The following GPHN variants were observed in gnomAD, a reference collection of about 807,000 sequenced individuals.
GPHN encodes the protein gephyrin.
In GPHN, 17 loss-of-function variants were observed where a neutral mutation model predicts 95.5. The observed-to-expected ratio is 0.18, with a 90% CI of 0.12 to 0.27. The LOEUF (loss-of-function observed/expected upper bound fraction) is 0.27. Ranked by LOEUF, GPHN falls within the 10% of genes least tolerant of loss-of-function variation. The probability of loss-of-function intolerance (pLI) is 1.00; values close to 1 mark genes in which losing one functional copy is unlikely to be tolerated. For synonymous variants in GPHN, 320 were observed against 322.5 expected, an observed-to-expected ratio of 0.99 and a Z score of 0.08; for missense variants, 660 against 978.1, an observed-to-expected ratio of 0.67 and a Z score of 4.34.
chr14:67,700,956 G>A, the GPHN span, among the ~76,000 whole-genome samples: 10 of 149,048 alleles, frequency 6.7e-5, no homozygotes, highest in South Asian at 2.1e-4. Context: ...CCTGGGAGGC[G>A]GAGGTTGCAG....
At chr14:67,669,636 C>T in the GPHN span, among the ~76,000 whole-genome samples, 1 of 152,134 alleles carries the variant, frequency 6.6e-6, no homozygotes, top group African/African-American at 2.4e-5. Context: ...GATCTCTGTT[C>T]TACAGGTACC....
the GPHN span, among the ~76,000 whole-genome samples, chr14:67,484,158 T>C: frequency 5.4e-3 from 829 of 152,336 alleles, 6 homozygotes; most frequent in Non-Finnish European, 8.5e-3. Flanking sequence ...GCACTTTCAC[T>C]TTCTGATATG....
the GPHN span, among the ~76,000 whole-genome samples, chr14:67,655,015 C>CA: frequency 9.9e-6 from 1 of 101,346 alleles, no homozygotes; most frequent in Admixed American, 1.6e-4. Flanking sequence ...GGCGACAGAG[C>CA]AAGACTCCAT....
At chr14:67,169,119 A>T (rs756812172) in intron 21 of GPHN, 83 bp downstream of exon 21, 2 of 841,178 alleles carry the variant, frequency 2.4e-6, no homozygotes, top group South Asian at 2.7e-5. Flanking sequence ...CAAAATAAAC[A>T]TCTAGAGTTT....
intron 6 of GPHN, among the ~76,000 whole-genome samples, chr14:66,916,934 TC>T (rs2065942514): frequency 6.6e-6 from 1 of 152,216 alleles, no homozygotes; most frequent in Non-Finnish European, 1.5e-5. Context: ...AGCAGTAGTA[TC>T]AGTGTGAATA....
At chr14:67,562,204 C>G in the GPHN span, 1 of 1,611,468 alleles carries the variant, frequency 6.2e-7, no homozygotes, top group Non-Finnish European at 8.5e-7. Flanking sequence ...AGGATTCTGT[C>G]CCTTCAGAGC....
chr14:67,385,150 C>G, the GPHN span: 3 of 151,982 alleles, frequency 2.0e-5, no homozygotes, highest in Admixed American at 1.3e-4. Context: ...ACTGATACCA[C>G]GAGGAAAAGA....
the GPHN span, among the ~76,000 whole-genome samples, chr14:67,503,962 A>G: frequency 2.0e-5 from 3 of 151,634 alleles, no homozygotes; most frequent in Admixed American, 2.0e-4. Context: ...TCAGCTTCCC[A>G]AAGTGCTGGG....
At chr14:67,669,921 A>G in the GPHN span, among the ~76,000 whole-genome samples, 1 of 152,158 alleles carries the variant, frequency 6.6e-6, no homozygotes, top group Non-Finnish European at 1.5e-5. Flanking sequence ...ATAACATGGG[A>G]GACCCTTACT....
intron 8 of GPHN, among the ~76,000 whole-genome samples, chr14:66,946,366 G>A (rs909516946): frequency 2.0e-5 from 3 of 152,100 alleles, no homozygotes; most frequent in Non-Finnish European, 4.4e-5. Flanking sequence ...AGCCAAGAAA[G>A]CCATCAAAAT....
chr14:66,794,362 C>T (rs2060084484), intron 3 of GPHN, among the ~76,000 whole-genome samples: 1 of 152,162 alleles, frequency 6.6e-6, no homozygotes, highest in Admixed American at 6.5e-5. Flanking sequence ...TGTAAGTTTC[C>T]TGAGGCCTCC....
At chr14:67,021,022 ATCATT>A (rs2073596807) in intron 9 of GPHN, among the ~76,000 whole-genome samples, 1 of 152,158 alleles carries the variant, frequency 6.6e-6, no homozygotes, top group Admixed American at 6.6e-5. Flanking sequence ...TCTCAAGTGT[ATCATT>A]TCAAGTGTAT....
At chr14:67,397,525 CGGAGCCA>C in the GPHN span, 1 of 677,102 alleles carries the variant, frequency 1.5e-6, no homozygotes, top group Admixed American at 3.2e-5. Flanking sequence ...TGGTATGTGG[CGGAGCCA>C]GGATTTGAAT....
At chr14:67,383,098 T>A in the GPHN span, among the ~76,000 whole-genome samples, 1 of 152,198 alleles carries the variant, frequency 6.6e-6, no homozygotes. Flanking sequence ...AATTTTCCAT[T>A]TTAATACATA....
At chr14:67,553,662 C>A in the GPHN span, among the ~76,000 whole-genome samples, 4 of 152,332 alleles carry the variant, frequency 2.6e-5, no homozygotes, top group East Asian at 7.7e-4. Flanking sequence ...CAACCCCCCA[C>A]CACCAAGGAG....
chr14:66,715,214 A>G (rs2070055137), intron 2 of GPHN, among the ~76,000 whole-genome samples: 1 of 152,040 alleles, frequency 6.6e-6, no homozygotes, highest in Non-Finnish European at 1.5e-5. Flanking sequence ...GGAGGGTTGT[A>G]TCTTTCCAGG....
chr14:67,443,180 C>T, the GPHN span, among the ~76,000 whole-genome samples: 2 of 152,018 alleles, frequency 1.3e-5, no homozygotes, highest in Non-Finnish European at 2.9e-5. Flanking sequence ...ATGACTGCGC[C>T]ACTGCACTCC....
chr14:67,616,698 T>TTA, the GPHN span: 1 of 150,900 alleles, frequency 6.6e-6, no homozygotes, highest in African/African-American at 2.5e-5. Flanking sequence ...TTTTTTTTTT[T>TTA]AAATATTTGC....
chr14:67,681,520 T>C, the GPHN span, among the ~76,000 whole-genome samples: 125,343 of 152,194 alleles, frequency 0.82, 52,048 homozygotes, highest in Non-Finnish European at 0.88. Flanking sequence ...TGGTGGCTCA[T>C]GCCTATAATC....
Sources: gnomAD v4.1 joint callset for allele counts (sites outside exome capture counted in the v4.1 genomes callset) on GRCh38, gnomAD v4.1.1 for gene constraint, MANE v1.5 for transcripts, NCBI Gene and HGNC (gene_info 2026-07-23, HGNC 2026-07-21) for gene names.